Variants in ZMYND12 observed in about 807,000 individuals in gnomAD.
ZMYND12 encodes zinc finger MYND domain-containing protein 12.
A neutral mutation model predicts 41.7 loss-of-function variants in ZMYND12; 32 were observed. The ratio of observed to expected loss-of-function variants is 0.77; its 90% CI spans 0.58 to 1.03. The LOEUF (loss-of-function observed/expected upper bound fraction) is 1.03. ZMYND12 is among the 50% of genes least tolerant of loss of function. The pLI, the probability that ZMYND12 is intolerant of heterozygous loss-of-function variation, is 0.00. For missense variants in ZMYND12, 424 were observed against 438.5 expected, an observed-to-expected ratio of 0.97 and a Z score of 0.30; for synonymous variants, 148 against 164.8, an observed-to-expected ratio of 0.90 and a Z score of 0.78.
chr1:42,455,789 A>G, intron 1 of ZMYND12, 99 bp downstream of exon 1: 1 of 869,618 alleles, frequency 1.1e-6, no homozygotes, highest in Non-Finnish European at 1.8e-6. Context: ...TCCCTTGCAG[A>G]GTCAGGGGCA....
At chr1:42,451,643 T>C (rs1643084316) in intron 1 of ZMYND12, among the ~76,000 whole-genome samples, 2 of 152,168 alleles carry the variant, frequency 1.3e-5, no homozygotes, top group South Asian at 2.1e-4. Flanking sequence ...TCTTGGACAA[T>C]AGAAATGCAA....
At chr1:42,454,623 C>A (rs1643126362) in intron 1 of ZMYND12, among the ~76,000 whole-genome samples, 1 of 152,142 alleles carries the variant, frequency 6.6e-6, no homozygotes, top group Non-Finnish European at 1.5e-5. Context: ...AATTCCAAAC[C>A]CTTGATCTCA....
At chr1:42,448,712 G>T (rs1302292750) in intron 2 of ZMYND12, 74 bp from the exon 3 acceptor site, 3 of 1,447,394 alleles carry the variant, frequency 2.1e-6, no homozygotes, top group African/African-American at 2.9e-5. Context: ...TGGCCCTGGG[G>T]ATAAGGCCAA....
At chr1:42,436,703 A>G (rs1472900932) in intron 4 of ZMYND12, among the ~76,000 whole-genome samples, 160 bp from the exon 5 acceptor site, 2 of 152,206 alleles carry the variant, frequency 1.3e-5, no homozygotes. Context: ...AGATATTCAG[A>G]TGAATAATAA....
chr1:42,434,621 C>T (rs938581334), intron 6 of ZMYND12, among the ~76,000 whole-genome samples: 23 of 151,886 alleles, frequency 1.5e-4, no homozygotes, highest in Non-Finnish European at 2.4e-4. Context: ...CTCTTAGGAG[C>T]GTGAACCCTA....
chr1:42,440,175 T>G, intron 3 of ZMYND12, 150 bp from the exon 4 acceptor site: 1 of 756,486 alleles, frequency 1.3e-6, no homozygotes, highest in Non-Finnish European at 1.9e-6. Context: ...CACAGCAGCC[T>G]ATTTGGAAGA....
intron 1 of ZMYND12, 83 bp from the exon 2 acceptor site, chr1:42,450,142 A>G: frequency 6.6e-7 from 1 of 1,514,672 alleles, no homozygotes; most frequent in Non-Finnish European, 8.9e-7. Flanking sequence ...GCCTATCCCT[A>G]GACACCAGAA....
intron 3 of ZMYND12, among the ~76,000 whole-genome samples, chr1:42,446,234 T>C (rs1373421006): frequency 6.6e-6 from 1 of 152,094 alleles, no homozygotes; most frequent in Non-Finnish European, 1.5e-5. Flanking sequence ...AATAAACCAA[T>C]GAAAGTGAAA....
chr1:42,434,889 C>T (rs1050075052), intron 6 of ZMYND12, among the ~76,000 whole-genome samples: 18 of 152,160 alleles, frequency 1.2e-4, no homozygotes, highest in Non-Finnish European at 1.5e-4. Flanking sequence ...ATTCCTCCCA[C>T]GCCCCCCAGT....
rs746026190 is a variant in ZMYND12, at chr1:42,435,353, A to T, written c.750T>A (p.Asn250Lys). The change falls in exon 6 of 8, where the codon AAT becomes AAA. Residue 250 changes from asparagine (N) to lysine (K), a missense_variant. Transcript: ENST00000372565. ...GAGCCTGTGAGAGGACTTGATAGTG[A>T]TTGTTCAAATATGCATGCCAGATCT... The part of the protein sequence containing the change: ...VSEIWHAYLN[N>K]HYQVLSQAHI... 1 of 1,614,004 alleles carries T rather than the reference A, an allele frequency of 6.2e-7. No individual in the cohort carries two copies. The highest frequency in any genetic ancestry group is 1.1e-5 in the South Asian group (1 of 91,074).
At chr1:42,439,692 C>G (rs761283870) in intron 4 of ZMYND12, among the ~76,000 whole-genome samples, 164 bp downstream of exon 4, 4 of 152,048 alleles carry the variant, frequency 2.6e-5, no homozygotes, top group Admixed American at 1.3e-4. Context: ...GAACTCGGGT[C>G]GGTAGAATTG....
At position 42,430,601 on chromosome 1, in the gene ZMYND12, C is replaced by A; in HGVS notation, c.*135G>T. ...ATGCTGTGTAAGAAAAAAATAACAG[C>A]TATGTGTGCAATCCCAGGGGAAGAG... On this transcript the variant is annotated 3_prime_UTR_variant, in exon 8 of 8. Transcript: ENST00000372565. 8.7e-7 allele frequency: 1 copy of A among 1,149,256 alleles called. No individual in the cohort carries two copies. 71.2% of individuals were successfully genotyped at this position (1,149,256 alleles called of 1,614,324 possible).
intron 7 of ZMYND12, among the ~76,000 whole-genome samples, chr1:42,431,467 A>T (rs1331737570): frequency 1.3e-5 from 2 of 152,226 alleles, no homozygotes; most frequent in African/African-American, 4.8e-5. Flanking sequence ...AAAGCATGAA[A>T]GGGGATAGGA....
intron 3 of ZMYND12, among the ~76,000 whole-genome samples, chr1:42,446,286 T>C (rs1643023082): frequency 1.3e-5 from 2 of 152,040 alleles, no homozygotes; most frequent in Admixed American, 6.5e-5. Context: ...TGGAAGTAAA[T>C]CAGATTGAAC....
At chr1:42,440,384 A>G (rs1316386104) in intron 3 of ZMYND12, among the ~76,000 whole-genome samples, 1 of 152,180 alleles carries the variant, frequency 6.6e-6, no homozygotes, top group Admixed American at 6.5e-5. Context: ...AAGAAACCAG[A>G]CACCAAAGGC....
rs200576296 is a variant in ZMYND12 at position 42,447,749 on chromosome 1, AT to A, written c.424+717del. 5.1e-3 allele frequency among the ~76,000 whole-genome samples: 777 copies of A among 152,288 alleles called. 8 individuals are homozygous for A. Among genetic ancestry groups the A allele is most frequent in the Admixed American group, 0.027 (415 of 15,292 alleles). ...AAAAAAGTTTTACTTTTAAAAAAGT[AT>A]TTTTTTAATGGTGGCTATTAAAACA... On this transcript the variant is annotated intron_variant, in intron 3 of 7. Coordinates refer to ENST00000372565, the MANE Select transcript of ZMYND12 (RefSeq NM_032257.5).
intron 3 of ZMYND12, among the ~76,000 whole-genome samples, chr1:42,445,639 G>A (rs960802811): frequency 1.3e-5 from 2 of 152,068 alleles, no homozygotes; most frequent in East Asian, 3.9e-4. Flanking sequence ...ACTGAGAGAA[G>A]GCCGGTCGGT....
intron 1 of ZMYND12, among the ~76,000 whole-genome samples, chr1:42,450,461 G>T (rs1267210757): frequency 1.3e-5 from 2 of 152,096 alleles, no homozygotes; most frequent in Non-Finnish European, 2.9e-5. Flanking sequence ...TGTCAATTTT[G>T]TTGGTCTTTT....
chr1:42,443,593 T>G (rs1332324772), intron 3 of ZMYND12, among the ~76,000 whole-genome samples: 1 of 152,128 alleles, frequency 6.6e-6, no homozygotes, highest in African/African-American at 2.4e-5. Context: ...GGCTGTGAGG[T>G]GCCCAGGGGA....
Sources: gnomAD v4.1 joint callset for allele counts (sites outside exome capture counted in the v4.1 genomes callset) on GRCh38, gnomAD v4.1.1 for gene constraint, MANE v1.5 for transcripts, NCBI Gene and HGNC (gene_info 2026-07-23, HGNC 2026-07-21) for gene names.